Variants in LRTM3 observed in about 807,000 individuals in gnomAD.
LRTM3 encodes leucine rich repeat transmembrane protein 3, also known as leucine-rich repeat transmembrane protein 3.
the LRTM3 span, among the ~76,000 whole-genome samples, chr13:102,755,931 GTATATATATAC>G: frequency 8.7e-6 from 1 of 115,524 alleles, no homozygotes; most frequent in African/African-American, 3.6e-5. Flanking sequence ...GTGTGTGTGT[GTATATATATAC>G]ATATATATAT....
the LRTM3 span, chr13:102,743,380 A>G: frequency 6.4e-7 from 1 of 1,550,528 alleles, no homozygotes; most frequent in Middle Eastern, 1.7e-4. Context: ...TTGGAAATGT[A>G]TCAGCCACAT....
At chr13:102,739,973 GT>G in the LRTM3 span, 2 of 1,550,466 alleles carry the variant, frequency 1.3e-6, no homozygotes, top group Non-Finnish European at 1.7e-6. Flanking sequence ...CCATTTCGAA[GT>G]TCTCCTTTTG....
chr13:102,729,432 G>A, the LRTM3 span: 1 of 1,433,302 alleles, frequency 7.0e-7, no homozygotes, highest in Non-Finnish European at 9.2e-7. Context: ...CACTTCAGAG[G>A]AGTTTAGCTA....
chr13:102,756,840 T>C, the LRTM3 span, among the ~76,000 whole-genome samples: 3 of 151,964 alleles, frequency 2.0e-5, no homozygotes, highest in Non-Finnish European at 2.9e-5. Flanking sequence ...CCCCCTAACC[T>C]CTTCTTCTCC....
chr13:102,737,621 A>C, the LRTM3 span: 1 of 1,550,230 alleles, frequency 6.5e-7, no homozygotes, highest in Non-Finnish European at 8.7e-7. Context: ...CTTTCCTTTC[A>C]GATCTTTGTC....
chr13:102,742,990 AT>A, the LRTM3 span: 2 of 1,540,404 alleles, frequency 1.3e-6, no homozygotes, highest in Non-Finnish European at 1.8e-6. Context: ...CTATTTTTAC[AT>A]TTTTTTCTGA....
the LRTM3 span, chr13:102,734,820 C>T: frequency 1.3e-6 from 2 of 1,551,066 alleles, no homozygotes; most frequent in Non-Finnish European, 1.7e-6. Flanking sequence ...CCTTCACATT[C>T]CTGCACCTTC....
chr13:102,742,562 T>C, the LRTM3 span: 2 of 1,550,536 alleles, frequency 1.3e-6, no homozygotes, highest in South Asian at 1.2e-5. Flanking sequence ...AACATTTATC[T>C]TTGCTTCTTG....
the LRTM3 span, chr13:102,743,513 ATAGT>A: frequency 6.5e-7 from 1 of 1,548,722 alleles, no homozygotes; most frequent in South Asian, 1.2e-5. Flanking sequence ...CTTTTCCTTC[ATAGT>A]TAAACATTTG....
the LRTM3 span, chr13:102,744,830 G>A: frequency 6.5e-7 from 1 of 1,550,196 alleles, no homozygotes; most frequent in East Asian, 2.4e-5. Context: ...CCCACCATGT[G>A]GTGATTTCTG....
At chr13:102,734,552 T>G in the LRTM3 span, 1 of 1,551,356 alleles carries the variant, frequency 6.4e-7, no homozygotes. Flanking sequence ...CAAAGTTATA[T>G]CTGTGCCTCT....
At chr13:102,746,000 A>G in the LRTM3 span, 37 of 1,551,124 alleles carry the variant, frequency 2.4e-5, no homozygotes, top group Non-Finnish European at 3.1e-5. Context: ...GCTGTTCTCC[A>G]GAGCCTGTAA....
chr13:102,742,652 T>A, the LRTM3 span: 4 of 1,550,576 alleles, frequency 2.6e-6, no homozygotes, highest in Non-Finnish European at 2.6e-6. Context: ...TACAACAGCA[T>A]AACCTGCAGT....
the LRTM3 span, chr13:102,742,989 C>A: frequency 6.5e-7 from 1 of 1,541,046 alleles, no homozygotes; most frequent in South Asian, 1.2e-5. Context: ...TCTATTTTTA[C>A]ATTTTTTTCT....
the LRTM3 span, chr13:102,743,688 G>C: frequency 6.5e-7 from 1 of 1,549,432 alleles, no homozygotes; most frequent in Non-Finnish European, 8.7e-7. Flanking sequence ...TGATTTTCTT[G>C]GCACTTTCTG....
At chr13:102,734,407 G>C in the LRTM3 span, 2 of 1,551,342 alleles carry the variant, frequency 1.3e-6, no homozygotes, top group East Asian at 2.4e-5. Flanking sequence ...GTTTGGAAAA[G>C]AGTATGCACA....
chr13:102,734,005 C>CAGATAA, the LRTM3 span: 4 of 1,551,386 alleles, frequency 2.6e-6, no homozygotes, highest in Non-Finnish European at 3.5e-6. Flanking sequence ...TCCCTGAATC[C>CAGATAA]AGATAAAGAG....
At chr13:102,732,529 T>A in the LRTM3 span, 2 of 1,551,232 alleles carry the variant, frequency 1.3e-6, no homozygotes, top group Non-Finnish European at 1.7e-6. Flanking sequence ...TTCTTTGAAA[T>A]AATTTTTGTA....
At chr13:102,740,869 G>A in the LRTM3 span, 34 of 1,549,700 alleles carry the variant, frequency 2.2e-5, no homozygotes, top group Non-Finnish European at 2.4e-5. Flanking sequence ...TCTGAAGTAC[G>A]TCCATTAAAG....
Sources: gnomAD v4.1 joint callset for allele counts (sites outside exome capture counted in the v4.1 genomes callset) on GRCh38, gnomAD v4.1.1 for gene constraint, MANE v1.5 for transcripts, NCBI Gene and HGNC (gene_info 2026-07-23, HGNC 2026-07-21) for gene names.